CNTN4: variants seen among roughly 807,000 people sequenced by gnomAD.
CNTN4 encodes the protein contactin-4.
In CNTN4, 77 loss-of-function variants were observed where a neutral mutation model predicts 122.5. That is an observed-to-expected ratio of 0.63 (90% CI 0.52 to 0.76). The LOEUF is 0.76. CNTN4 is among the 30% of genes least tolerant of loss of function. The probability of loss-of-function intolerance (pLI) is 0.00; values close to 1 mark genes in which losing one functional copy is unlikely to be tolerated. For missense variants in CNTN4, 1,256 were observed against 1,259.1 expected (o/e 1.00, Z 0.04); for synonymous variants, 512 against 447.0 (o/e 1.15, Z -1.83).
intron 4 of CNTN4, among the ~76,000 whole-genome samples, chr3:2,618,282 A>G (rs545059791): frequency 2.4e-4 from 37 of 152,302 alleles, no homozygotes; most frequent in African/African-American, 8.4e-4. Context: ...ATGTGTATAA[A>G]TAATATATGT....
intron 4 of CNTN4, among the ~76,000 whole-genome samples, chr3:2,711,283 C>A (rs2087134159): frequency 6.6e-6 from 1 of 152,138 alleles, no homozygotes; most frequent in South Asian, 2.1e-4. Flanking sequence ...CCTGGGTAAT[C>A]TCACACAGTC....
intron 4 of CNTN4, among the ~76,000 whole-genome samples, chr3:2,706,235 A>G (rs150626754): frequency 5.3e-5 from 8 of 152,004 alleles, no homozygotes; most frequent in African/African-American, 1.7e-4. Context: ...AATAGAATGT[A>G]TTTTGTGTTA....
chr3:2,124,433 A>AACACACACACACACACACACAC (rs60760373), intron 2 of CNTN4, among the ~76,000 whole-genome samples: 7 of 123,816 alleles, frequency 5.7e-5, no homozygotes, highest in Admixed American at 4.9e-4. Flanking sequence ...ATTTATTTAA[A>AACACACACACACACACACACAC]ACACACACAC....
intron 4 of CNTN4, among the ~76,000 whole-genome samples, chr3:2,642,868 G>A (rs776468478): frequency 1.3e-5 from 2 of 152,098 alleles, no homozygotes; most frequent in African/African-American, 2.4e-5. Flanking sequence ...TGTTCTGATT[G>A]TTTGGGTCTC....
intron 2 of CNTN4, among the ~76,000 whole-genome samples, chr3:2,269,914 G>A (rs370521351): frequency 0.03 from 1,652 of 54,756 alleles, 381 homozygotes; most frequent in South Asian, 0.066. Context: ...TTGTTTGTTT[G>A]TTTATTTATT....
At position 2,761,896 on chromosome 3, in the gene CNTN4, C is replaced by T. The variant is rs548570616; in HGVS notation, c.358+16199C>T. Among the ~76,000 whole-genome samples, 5 of 152,214 alleles carry T rather than the reference C, an allele frequency of 3.3e-5. No individual in the cohort carries two copies. The East Asian group carries it at 9.7e-4, about 29-fold the overall frequency. On this transcript the variant is annotated intron_variant, in intron 6 of 24. Transcript: ENST00000418658. ...CCTCTATGTTTGAATAATCAAGTAC[C>T]TTTGGGCAAATGTGCTGTAAAAACT... is the stretch of plus-strand genomic sequence containing the variant.
intron 6 of CNTN4, among the ~76,000 whole-genome samples, chr3:2,795,129 T>A (rs1005953306): frequency 6.6e-6 from 1 of 152,236 alleles, no homozygotes; most frequent in African/African-American, 2.4e-5. Context: ...TATGGTCTGA[T>A]AGTTTTAGTA....
chr3:2,365,824 A>G (rs979737595), intron 3 of CNTN4, among the ~76,000 whole-genome samples: 1 of 152,236 alleles, frequency 6.6e-6, no homozygotes, highest in African/African-American at 2.4e-5. Flanking sequence ...AATGCTAGGA[A>G]AAAACAAAAC....
chr3:2,103,522 C>T (rs1267678800), intron 2 of CNTN4, among the ~76,000 whole-genome samples: 2 of 152,242 alleles, frequency 1.3e-5, no homozygotes, highest in South Asian at 2.1e-4. Context: ...TCTTGCGCTA[C>T]CACTTTCATG....
At chr3:2,428,832 G>A (rs756968279) in intron 3 of CNTN4, among the ~76,000 whole-genome samples, 13 of 152,056 alleles carry the variant, frequency 8.5e-5, no homozygotes, top group Non-Finnish European at 1.6e-4. Context: ...CTGATCTTCA[G>A]TTACTGATAC....
intron 12 of CNTN4, among the ~76,000 whole-genome samples, chr3:2,917,357 G>GGAGACA (rs1331562430): frequency 1.3e-5 from 2 of 151,928 alleles, no homozygotes; most frequent in African/African-American, 2.4e-5. Context: ...AGAGGGAGAC[G>GGAGACA]GAGACGGAGA....
chr3:2,316,056 C>A (rs2043087057), intron 2 of CNTN4, among the ~76,000 whole-genome samples: 1 of 151,920 alleles, frequency 6.6e-6, no homozygotes. Flanking sequence ...TGTCACCTCC[C>A]AAATGTCTCA....
intron 4 of CNTN4, among the ~76,000 whole-genome samples, chr3:2,654,467 A>G (rs1336456122): frequency 2.0e-5 from 3 of 152,244 alleles, no homozygotes; most frequent in Non-Finnish European, 4.4e-5. Context: ...ATCCTAAGAT[A>G]CAATCCTTTT....
At chr3:2,359,782 A>T (rs770205415) in intron 3 of CNTN4, among the ~76,000 whole-genome samples, 1 of 151,932 alleles carries the variant, frequency 6.6e-6, no homozygotes, top group Non-Finnish European at 1.5e-5. Context: ...CTCGTGATCC[A>T]CCCGCCTCGG....
intron 4 of CNTN4, among the ~76,000 whole-genome samples, chr3:2,575,575 C>G (rs2079624429): frequency 6.6e-6 from 1 of 152,128 alleles, no homozygotes; most frequent in Admixed American, 6.5e-5. Context: ...TTTATACTAA[C>G]TTTCTTTTGT....
rs115977322 is a variant in CNTN4 at position 2,280,125 on chromosome 3, T to C, written c.-144-59053T>C. On this transcript the variant is annotated intron_variant, in intron 2 of 24. Coordinates refer to ENST00000418658, the MANE Select transcript of CNTN4 (RefSeq NM_175607.3). ...GACCATTCAACATGCATTTATTTTT[T>C]TATTTTTATCTTTAAATAGAGACAG... 8.1e-3 allele frequency among the ~76,000 whole-genome samples: 1,228 copies of C among 152,238 alleles called. 18 individuals are homozygous for C. The highest frequency in any genetic ancestry group is 0.028 in the African/African-American group (1,163 of 41,546).
At chr3:2,417,976 G>A (rs1221133977) in intron 3 of CNTN4, among the ~76,000 whole-genome samples, 1 of 152,134 alleles carries the variant, frequency 6.6e-6, no homozygotes. Flanking sequence ...GGTTGCCAGG[G>A]ATTTGGGGTG....
chr3:2,326,229 A>G (rs926754310), intron 2 of CNTN4, among the ~76,000 whole-genome samples: 1 of 152,190 alleles, frequency 6.6e-6, no homozygotes, highest in African/African-American at 2.4e-5. Context: ...CCCTGTCCCT[A>G]CTACCTTTGA....
intron 4 of CNTN4, among the ~76,000 whole-genome samples, chr3:2,726,093 C>T (rs1165338582): frequency 6.6e-6 from 1 of 152,170 alleles, no homozygotes; most frequent in East Asian, 1.9e-4. Flanking sequence ...TGTCCCTATC[C>T]TTTAATTTTG....
Sources: allele counts gnomAD v4.1 joint callset (sites outside exome capture counted in the v4.1 genomes callset), GRCh38; gene constraint gnomAD v4.1.1; transcripts MANE v1.5; gene names NCBI Gene and HGNC (gene_info 2026-07-23, HGNC 2026-07-21).